CNTN5: variants seen among roughly 807,000 people sequenced by gnomAD.
The protein encoded by CNTN5 is contactin 5.
CNTN5 carries 77 observed loss-of-function variants against 129.1 expected under a neutral mutation model. The observed-to-expected ratio is 0.60, with a 90% CI of 0.50 to 0.72. The LOEUF (loss-of-function observed/expected upper bound fraction) is 0.72. Ranked by LOEUF, CNTN5 falls within the 30% of genes least tolerant of loss-of-function variation. CNTN5 has a pLI of 0.00. For synonymous variants in CNTN5, 509 were observed against 465.6 expected, an observed-to-expected ratio of 1.09 and a Z score of -1.20; for missense variants, 1,478 against 1,328.8, an observed-to-expected ratio of 1.11 and a Z score of -1.75.
At chr11:99,120,694 A>G (rs1858276682) in intron 1 of CNTN5, among the ~76,000 whole-genome samples, 1 of 152,186 alleles carries the variant, frequency 6.6e-6, no homozygotes, top group Admixed American at 6.5e-5. Context: ...TCTGAAGGTC[A>G]CACAAGGCTT....
intron 8 of CNTN5, among the ~76,000 whole-genome samples, chr11:99,986,316 T>C (rs1361857368): frequency 6.6e-6 from 1 of 152,114 alleles, no homozygotes; most frequent in East Asian, 1.9e-4. Context: ...ATTATATCCA[T>C]ATAGCTGAGT....
At chr11:99,913,488 A>G (rs1565671100) in intron 6 of CNTN5, among the ~76,000 whole-genome samples, 1 of 152,136 alleles carries the variant, frequency 6.6e-6, no homozygotes, top group East Asian at 1.9e-4. Flanking sequence ...AAATCTATTT[A>G]TCTTTGGGCT....
chr11:99,601,374 T>G (rs949498891), intron 3 of CNTN5, among the ~76,000 whole-genome samples: 2 of 152,208 alleles, frequency 1.3e-5, no homozygotes, highest in Non-Finnish European at 2.9e-5. Flanking sequence ...CCTCTTTTTC[T>G]TTCTACCTGC....
intron 2 of CNTN5, among the ~76,000 whole-genome samples, chr11:99,483,169 C>A: frequency 1.2e-5 from 1 of 84,020 alleles, no homozygotes; most frequent in Admixed American, 1.5e-4. Flanking sequence ...AGTGAGACTC[C>A]TTCTCAAAAA....
intron 1 of CNTN5, among the ~76,000 whole-genome samples, chr11:99,072,177 ACTTTT>A (rs1016756426): frequency 2.6e-5 from 4 of 152,024 alleles, no homozygotes; most frequent in African/African-American, 9.7e-5. Flanking sequence ...AGTTGAGGGA[ACTTTT>A]CTTTGGTGAT....
At chr11:100,278,078 G>A (rs1427784600) in intron 18 of CNTN5, among the ~76,000 whole-genome samples, 2 of 151,934 alleles carry the variant, frequency 1.3e-5, no homozygotes, top group East Asian at 3.8e-4. Flanking sequence ...TCCTTTCTTT[G>A]ATGTATGTTC....
chr11:99,544,430 A>G (rs567144938), intron 2 of CNTN5, among the ~76,000 whole-genome samples: 2 of 152,326 alleles, frequency 1.3e-5, no homozygotes, highest in East Asian at 3.8e-4. Context: ...ACTATGTAGA[A>G]TGACTGCTTC....
chr11:99,482,271 A>G (rs1314878549), intron 2 of CNTN5, among the ~76,000 whole-genome samples: 1 of 152,220 alleles, frequency 6.6e-6, no homozygotes, highest in Admixed American at 6.5e-5. Context: ...AATAAAAATT[A>G]TTATTTTCCC....
At chr11:99,952,348 G>A (rs1950696622) in intron 7 of CNTN5, among the ~76,000 whole-genome samples, 1 of 152,120 alleles carries the variant, frequency 6.6e-6, no homozygotes, top group African/African-American at 2.4e-5. Flanking sequence ...CATCATGAAA[G>A]AGAGGAGATG....
intron 2 of CNTN5, among the ~76,000 whole-genome samples, chr11:99,425,008 G>A (rs1212473159): frequency 1.3e-5 from 2 of 152,288 alleles, no homozygotes; most frequent in African/African-American, 2.4e-5. Context: ...GAAACCCATA[G>A]TGGGTAGCTC....
At position 99,343,917 on chromosome 11, in the gene CNTN5, C is replaced by A. The variant is rs564116961; in HGVS notation, c.-71+18433C>A. 1.5e-4 allele frequency among the ~76,000 whole-genome samples: 23 copies of A among 152,154 alleles called. 1 individual carries two copies. In the South Asian group the frequency reaches 4.8e-3, roughly 32 times the overall value. On this transcript the variant is annotated intron_variant, in intron 2 of 24. Coordinates refer to ENST00000524871, the MANE Select transcript of CNTN5 (RefSeq NM_014361.4). Reference sequence around the variant, plus strand: ...AAAAATTTACAGACGCTTGTGAAAGCCTCATTTACATTCATAAAATGTCAT... The same window carrying A: ...AAAAATTTACAGACGCTTGTGAAAGACTCATTTACATTCATAAAATGTCAT...
chr11:99,290,569 CT>C (rs779653055), intron 1 of CNTN5, among the ~76,000 whole-genome samples: 8 of 151,808 alleles, frequency 5.3e-5, no homozygotes, highest in Non-Finnish European at 8.9e-5. Flanking sequence ...TACATTATTC[CT>C]TTGTTAGAGC....
intron 1 of CNTN5, among the ~76,000 whole-genome samples, chr11:99,283,915 AT>A (rs1255431293): frequency 1.3e-5 from 2 of 152,152 alleles, no homozygotes; most frequent in Non-Finnish European, 2.9e-5. Flanking sequence ...AGCATGCCTC[AT>A]ACGAGCAGTA....
At chr11:99,627,640 C>A (rs190830299) in intron 3 of CNTN5, among the ~76,000 whole-genome samples, 7 of 152,052 alleles carry the variant, frequency 4.6e-5, no homozygotes, top group African/African-American at 1.7e-4. Context: ...GTTACACACC[C>A]ACTCAAGTAT....
intron 15 of CNTN5, among the ~76,000 whole-genome samples, chr11:100,210,464 G>T (rs1427038736): frequency 2.0e-5 from 3 of 151,894 alleles, no homozygotes; most frequent in Admixed American, 6.6e-5. Flanking sequence ...TACAAAATAG[G>T]TATACACATT....
At chr11:99,950,746 A>C (rs11222009) in intron 7 of CNTN5, among the ~76,000 whole-genome samples, 39,071 of 152,176 alleles carry the variant, frequency 0.26, 6,105 homozygotes, top group Non-Finnish European at 0.34. Flanking sequence ...CACTCATTTA[A>C]GTGGCTTGTG....
At chr11:99,452,512 A>G (rs1944345229) in intron 2 of CNTN5, among the ~76,000 whole-genome samples, 1 of 151,086 alleles carries the variant, frequency 6.6e-6, no homozygotes, top group South Asian at 2.1e-4. Context: ...AGCTGGGACT[A>G]CAGGTGCCCG....
intron 1 of CNTN5, among the ~76,000 whole-genome samples, chr11:99,254,150 G>T (rs1036364335): frequency 6.6e-6 from 1 of 151,740 alleles, no homozygotes; most frequent in African/African-American, 2.4e-5. Context: ...ATCATACAAA[G>T]AAAGAATTAT....
At chr11:99,148,118 C>A (rs552913453) in intron 1 of CNTN5, among the ~76,000 whole-genome samples, 2 of 151,960 alleles carry the variant, frequency 1.3e-5, no homozygotes, top group South Asian at 4.2e-4. Context: ...TTTATGCGCC[C>A]TTTAAGGATT....
Sources: allele counts gnomAD v4.1 joint callset (sites outside exome capture counted in the v4.1 genomes callset), GRCh38; gene constraint gnomAD v4.1.1; transcripts MANE v1.5; gene names NCBI Gene and HGNC (gene_info 2026-07-23, HGNC 2026-07-21).